The following MYO18B variants were observed in gnomAD, a reference collection of about 807,000 sequenced individuals.
MYO18B encodes the protein unconventional myosin-XVIIIb.
Under a neutral mutation model 273.0 loss-of-function variants are expected in MYO18B, and 204 were observed. That is an observed-to-expected ratio of 0.75 (90% CI 0.67 to 0.84). The LOEUF (loss-of-function observed/expected upper bound fraction) is 0.84. MYO18B is among the 40% of genes least tolerant of loss of function. The pLI, the probability that MYO18B is intolerant of heterozygous loss-of-function variation, is 0.00. For synonymous variants in MYO18B, 1,330 were observed against 1,305.7 expected, an observed-to-expected ratio of 1.02 and a Z score of -0.40; for missense variants, 3,212 against 3,287.6, an observed-to-expected ratio of 0.98 and a Z score of 0.56.
At chr22:25,905,512 T>A (rs1010699038) in intron 31 of MYO18B, among the ~76,000 whole-genome samples, 2 of 151,842 alleles carry the variant, frequency 1.3e-5, no homozygotes, top group African/African-American at 2.4e-5. Flanking sequence ...GGGGGAGAGA[T>A]CGGGGAAAAC....
Position 25,798,040 on chromosome 22 carries a change from G to A in MYO18B, c.2464G>A (p.Ala822Thr). The A allele has an allele frequency of 6.2e-7, 1 of 1,612,958 alleles. No individual in the cohort carries two copies. Among genetic ancestry groups the A allele is most frequent in the South Asian group, 1.1e-5 (1 of 91,066 alleles). The change falls in exon 12 of 44, where the codon GCT becomes ACT. Residue 822 changes from alanine (A) to threonine (T), a missense_variant. By Grantham distance (58) the Ala-to-Thr change is moderately conservative. Coordinates refer to ENST00000335473, the MANE Select transcript of MYO18B (RefSeq NM_032608.7). ...CGGCATCTCAGAGAGCGAGCAGCGG[G>A]CTGTTTGGCGGGTCCTGGCAGCCAT... ...MLGISESEQRAVWRVLAAIYH... is the reference protein window; with the variant it reads ...MLGISESEQRTVWRVLAAIYH...
chr22:25,889,763 A>G (rs1159643102), intron 25 of MYO18B, among the ~76,000 whole-genome samples: 1 of 152,154 alleles, frequency 6.6e-6, no homozygotes, highest in East Asian at 1.9e-4. Flanking sequence ...CTCATTTGGC[A>G]TCGGTGGCTG....
chr22:25,933,827 T>C (rs2092542613), intron 34 of MYO18B, among the ~76,000 whole-genome samples: 1 of 152,216 alleles, frequency 6.6e-6, no homozygotes. Context: ...AGCAAATGTA[T>C]GCATTTCTGT....
chr22:25,908,522 T>A, intron 32 of MYO18B, 90 bp downstream of exon 32: 1 of 1,058,932 alleles, frequency 9.4e-7, no homozygotes, highest in South Asian at 1.4e-5. Context: ...TAGGACAGGG[T>A]CTGGGATCTG....
At chr22:26,009,562 A>G (rs1183870352) in intron 42 of MYO18B, among the ~76,000 whole-genome samples, 2 of 152,202 alleles carry the variant, frequency 1.3e-5, no homozygotes, top group Non-Finnish European at 2.9e-5. Context: ...CTGCCACTCC[A>G]TTGAAACCTT....
chr22:25,765,065 CA>C (rs2086457813), intron 3 of MYO18B, among the ~76,000 whole-genome samples: 1 of 152,096 alleles, frequency 6.6e-6, no homozygotes, highest in Non-Finnish European at 1.5e-5. Flanking sequence ...TTGACACCAG[CA>C]GCGCTGGTGT....
chr22:25,903,974 C>A, intron 31 of MYO18B, 143 bp downstream of exon 31: 1 of 870,940 alleles, frequency 1.1e-6, no homozygotes. Flanking sequence ...CTTTAAGCTC[C>A]TAAGTCTGAC....
chr22:25,959,981 A>G (rs1041092355), intron 39 of MYO18B, among the ~76,000 whole-genome samples: 2 of 152,100 alleles, frequency 1.3e-5, no homozygotes, highest in African/African-American at 2.4e-5. Flanking sequence ...CCTGTCCACA[A>G]TCCTTTCCGC....
chr22:25,980,538 C>T (rs1357478768), intron 39 of MYO18B, among the ~76,000 whole-genome samples: 1 of 152,074 alleles, frequency 6.6e-6, no homozygotes, highest in Admixed American at 6.5e-5. Flanking sequence ...AGTGTTTTAC[C>T]TGAGCGTGAG....
At chr22:25,882,812 A>C (rs557222586) in intron 25 of MYO18B, among the ~76,000 whole-genome samples, 1 of 152,306 alleles carries the variant, frequency 6.6e-6, no homozygotes, top group African/African-American at 2.4e-5. Flanking sequence ...CATAGTGATG[A>C]AGTCTGGGCT....
intron 12 of MYO18B, among the ~76,000 whole-genome samples, chr22:25,817,619 T>C (rs138497964): frequency 6.6e-6 from 1 of 152,234 alleles, no homozygotes; most frequent in East Asian, 1.9e-4. Flanking sequence ...CTCTTTCAGC[T>C]AAATCACTCT....
chr22:25,981,681 G>T (rs892279757), intron 39 of MYO18B, among the ~76,000 whole-genome samples: 1 of 152,174 alleles, frequency 6.6e-6, no homozygotes, highest in Non-Finnish European at 1.5e-5. Context: ...GGAGTTTGTG[G>T]CTGCAGTGAG....
chr22:25,774,626 C>T (rs939640160), intron 7 of MYO18B, among the ~76,000 whole-genome samples: 10 of 152,364 alleles, frequency 6.6e-5, no homozygotes, highest in Admixed American at 3.9e-4. Flanking sequence ...CAGCCTCCCA[C>T]ACTCAAACCC....
At chr22:26,043,766 G>T in the MYO18B span, among the ~76,000 whole-genome samples, 1 of 151,810 alleles carries the variant, frequency 6.6e-6, no homozygotes, top group South Asian at 2.1e-4. Context: ...CACCTGCCTC[G>T]TTGGCCTCCC....
At chr22:25,988,020 A>T (rs2093220634) in intron 39 of MYO18B, among the ~76,000 whole-genome samples, 1 of 152,102 alleles carries the variant, frequency 6.6e-6, no homozygotes, top group Admixed American at 6.6e-5. Context: ...CTCACAATCG[A>T]CCTCAGCACA....
chr22:25,902,676 A>G lies in MYO18B; in HGVS notation c.4887A>G (p.Lys1629=), dbSNP rs2091962381. Residue 1629 remains lysine, a synonymous_variant, in exon 30 of 44, where the codon AAA becomes AAG. Transcript: ENST00000335473. ...ESVFEKGLRE[K]VTQENTSVRW... is the part of the protein sequence containing the mutation. ...TGTTTGAGAAGGGTCTCCGTGAGAA[A>G]GTGACCCAGGAGAACACCAGTGTCC... 1 of 1,598,932 alleles carries G rather than the reference A, an allele frequency of 6.3e-7. No homozygotes were observed. Among genetic ancestry groups the G allele is most frequent in the Non-Finnish European group, 8.5e-7 (1 of 1,172,422 alleles).
intron 42 of MYO18B, among the ~76,000 whole-genome samples, chr22:26,017,074 T>TTCCTTCCTTC (rs59446972): frequency 6.9e-6 from 1 of 145,654 alleles, no homozygotes; most frequent in African/African-American, 2.6e-5. Context: ...CCTTCCTTCC[T>TTCCTTCCTTC]CTCTGTGCCT....
chr22:25,917,289 A>G (rs1204206540), intron 33 of MYO18B, among the ~76,000 whole-genome samples: 1 of 152,164 alleles, frequency 6.6e-6, no homozygotes, highest in African/African-American at 2.4e-5. Flanking sequence ...GAGTCCTGTT[A>G]TATCCTTACC....
At chr22:26,000,474 A>G (rs915269093) in intron 40 of MYO18B, among the ~76,000 whole-genome samples, 3 of 151,480 alleles carry the variant, frequency 2.0e-5, no homozygotes, top group African/African-American at 7.3e-5. Context: ...CAGGACCAAT[A>G]ACCTGTGACT....
Sources: allele counts gnomAD v4.1 joint callset (sites outside exome capture counted in the v4.1 genomes callset), GRCh38; gene constraint gnomAD v4.1.1; transcripts MANE v1.5; gene names NCBI Gene and HGNC (gene_info 2026-07-23, HGNC 2026-07-21).